Variants in PHACTR1 observed in about 807,000 individuals in gnomAD.
PHACTR1 encodes the protein RPEL repeat containing 1.
PHACTR1 carries 16 observed loss-of-function variants against 69.2 expected under a neutral mutation model. The observed-to-expected ratio is 0.23, with a 90% CI of 0.16 to 0.35. The LOEUF is 0.35. PHACTR1 is among the 10% of genes least tolerant of loss of function. The pLI, the probability that PHACTR1 is intolerant of heterozygous loss-of-function variation, is 1.00. For synonymous variants in PHACTR1, 312 were observed against 284.5 expected (o/e 1.10, Z -0.97); for missense variants, 510 against 734.7 (o/e 0.69, Z 3.54).
chr6:12,880,603 C>T (rs556314942), intron 4 of PHACTR1, among the ~76,000 whole-genome samples: 1 of 152,038 alleles, frequency 6.6e-6, no homozygotes, highest in South Asian at 2.1e-4. Flanking sequence ...TACAGGTGTA[C>T]CCACAAAGAG....
intron 4 of PHACTR1, among the ~76,000 whole-genome samples, chr6:12,793,037 CT>C (rs1772532145): frequency 6.6e-6 from 1 of 152,062 alleles, no homozygotes; most frequent in Admixed American, 6.5e-5. Context: ...CATTTTCCCC[CT>C]AAAGACATGA....
chr6:13,278,216 G>GTAA, intron 11 of PHACTR1, 52 bp from the exon 12 acceptor site: 1 of 1,531,134 alleles, frequency 6.5e-7, no homozygotes, highest in Non-Finnish European at 8.9e-7. Context: ...GGATGCACCT[G>GTAA]TACACAACAC....
At chr6:12,813,784 T>C (rs1410071161) in intron 4 of PHACTR1, among the ~76,000 whole-genome samples, 2 of 152,186 alleles carry the variant, frequency 1.3e-5, no homozygotes, top group Non-Finnish European at 2.9e-5. Context: ...ACTAGTGCTC[T>C]AGAGGTTCAG....
chr6:12,864,030 G>C (rs529614463), intron 4 of PHACTR1, among the ~76,000 whole-genome samples: 1 of 152,306 alleles, frequency 6.6e-6, no homozygotes, highest in South Asian at 2.1e-4. Context: ...ATGTGAAATA[G>C]TTACCATTGC....
chr6:12,896,617 C>T lies in PHACTR1; in HGVS notation c.250+146827C>T, dbSNP rs559589068. On this transcript the variant is annotated intron_variant, in intron 4 of 14. Transcript: ENST00000332995. ...GGCATTGGATGGGATCCCTGTTCCC[C>T]GGGAGATTCTAGTTAATAATAAAAG... Among the ~76,000 whole-genome samples the T allele has an allele frequency of 6.6e-5, 10 of 152,208 alleles. No homozygotes were observed. The South Asian group carries it at 8.3e-4, about 13-fold the overall frequency.
intron 4 of PHACTR1, among the ~76,000 whole-genome samples, chr6:12,768,809 TACACACACACACACAC>T (rs4053038): frequency 5.3e-4 from 65 of 123,366 alleles, no homozygotes; most frequent in South Asian, 1.9e-3. Context: ...ATGTGCTATC[TACACACACACACACAC>T]ACACACACAC....
chr6:13,096,007 G>A (rs896619618), intron 5 of PHACTR1, among the ~76,000 whole-genome samples: 1 of 152,082 alleles, frequency 6.6e-6, no homozygotes, highest in South Asian at 2.1e-4. Context: ...GTTAGAGTCT[G>A]AAATTATTAC....
chr6:13,229,686 C>T (rs903476616), intron 9 of PHACTR1, among the ~76,000 whole-genome samples: 11 of 152,206 alleles, frequency 7.2e-5, no homozygotes, highest in Non-Finnish European at 1.3e-4. Context: ...CCCTCCTCCT[C>T]GTGAAACTTC....
At chr6:12,947,771 G>C (rs183253024) in intron 4 of PHACTR1, among the ~76,000 whole-genome samples, 1 of 152,156 alleles carries the variant, frequency 6.6e-6, no homozygotes, top group Non-Finnish European at 1.5e-5. Context: ...ATTTAAATAC[G>C]TAGTAAGTGA....
chr6:12,717,364 T>G (rs893440991), intron 1 of PHACTR1, 145 bp from the exon 2 acceptor site: 1 of 151,930 alleles, frequency 6.6e-6, no homozygotes, highest in African/African-American at 2.4e-5. Context: ...CATAAATCTG[T>G]TTTGTTTTTT....
intron 4 of PHACTR1, among the ~76,000 whole-genome samples, chr6:12,978,055 A>G (rs1795100452): frequency 6.6e-6 from 1 of 152,194 alleles, no homozygotes; most frequent in African/African-American, 2.4e-5. Context: ...CCGTATCTTC[A>G]AGGCAAATCT....
chr6:13,165,049 C>G (rs1339001039), intron 6 of PHACTR1, among the ~76,000 whole-genome samples: 1 of 151,924 alleles, frequency 6.6e-6, no homozygotes, highest in Non-Finnish European at 1.5e-5. Flanking sequence ...AGTTTGATCT[C>G]TAGATATATT....
At chr6:12,989,475 G>A (rs1796569397) in intron 4 of PHACTR1, among the ~76,000 whole-genome samples, 1 of 152,108 alleles carries the variant, frequency 6.6e-6, no homozygotes, top group Non-Finnish European at 1.5e-5. Context: ...ATAGATGTTG[G>A]GTTTGTTGCT....
chr6:12,720,693 G>A (rs1762005277), intron 3 of PHACTR1, among the ~76,000 whole-genome samples: 1 of 152,252 alleles, frequency 6.6e-6, no homozygotes. Context: ...CGCACACATT[G>A]TCTAGGTCAG....
chr6:13,270,078 G>A (rs923608275), intron 10 of PHACTR1, among the ~76,000 whole-genome samples: 1 of 152,182 alleles, frequency 6.6e-6, no homozygotes, highest in Admixed American at 6.5e-5. Context: ...CCAAGTCATA[G>A]GTTGTCACCT....
intron 4 of PHACTR1, among the ~76,000 whole-genome samples, chr6:12,877,415 T>C (rs1175658103): frequency 1.3e-5 from 2 of 152,120 alleles, no homozygotes; most frequent in Admixed American, 1.3e-4. Context: ...ATGCCTCTCC[T>C]GGAAGAAAAT....
intron 5 of PHACTR1, among the ~76,000 whole-genome samples, chr6:13,151,713 G>T (rs190459786): frequency 3.7e-4 from 57 of 152,262 alleles, no homozygotes; most frequent in African/African-American, 1.3e-3. Context: ...AACATGCATA[G>T]AATGATTTCA....
At chr6:12,780,261 G>C (rs1178790620) in intron 4 of PHACTR1, among the ~76,000 whole-genome samples, 40 of 149,746 alleles carry the variant, frequency 2.7e-4, no homozygotes, top group African/African-American at 8.7e-4. Flanking sequence ...GTGTGTGTGT[G>C]TGTGTGTGTG....
At chr6:13,152,410 C>G (rs1362324912) in intron 5 of PHACTR1, among the ~76,000 whole-genome samples, 1 of 152,018 alleles carries the variant, frequency 6.6e-6, no homozygotes, top group Non-Finnish European at 1.5e-5. Context: ...GAAAGGGAGA[C>G]TGGGAAAATA....
Sources: gnomAD v4.1 joint callset for allele counts (sites outside exome capture counted in the v4.1 genomes callset) on GRCh38, gnomAD v4.1.1 for gene constraint, MANE v1.5 for transcripts, NCBI Gene and HGNC (gene_info 2026-07-23, HGNC 2026-07-21) for gene names.